TBC1D32: variants seen among roughly 807,000 people sequenced by gnomAD.
The protein encoded by TBC1D32 is TBC1 domain family member 32.
A neutral mutation model predicts 170.3 loss-of-function variants in TBC1D32; 151 were observed. That is an observed-to-expected ratio of 0.89 (90% CI 0.78 to 1.01). The LOEUF is 1.01. Among genes scored for constraint, TBC1D32 ranks in the 50% least tolerant of loss-of-function variants. The probability of loss-of-function intolerance (pLI) is 0.00; values close to 1 mark genes in which losing one functional copy is unlikely to be tolerated. For synonymous variants in TBC1D32, 498 were observed against 488.0 expected (o/e 1.02, Z -0.27); for missense variants, 1,464 against 1,457.1 (o/e 1.00, Z -0.08).
chr6:121,141,080 C>A (rs1782724790), intron 24 of TBC1D32, among the ~76,000 whole-genome samples: 1 of 152,062 alleles, frequency 6.6e-6, no homozygotes, highest in African/African-American at 2.4e-5. Context: ...CTACTTAAGG[C>A]AAACAGCATC....
intron 18 of TBC1D32, 91 bp downstream of exon 18, chr6:121,242,110 A>T: frequency 7.4e-7 from 1 of 1,354,744 alleles, no homozygotes; most frequent in Non-Finnish European, 1.0e-6. Flanking sequence ...AGGCTTAATA[A>T]CTTCTTCATA....
chr6:121,080,795 C>T lies in TBC1D32; in HGVS notation c.3750G>A (p.Arg1250=). ...TCTATGTGCTCTGCAGTCTAATGTT[C>T]CGCATGTCTCTCAGCAGCACTGTTC... ...NYRTVLLRDM[R]NIRLQST is the part of the protein sequence containing the mutation. The change falls in exon 32 of 32, where the codon CGG becomes CGA. Residue 1250 remains arginine, a synonymous_variant. Coordinates refer to ENST00000398212, the MANE Select transcript of TBC1D32 (RefSeq NM_152730.6). The T allele has an allele frequency of 6.2e-7, 1 of 1,613,432 alleles. No homozygotes were observed. Among genetic ancestry groups the T allele is most frequent in the Non-Finnish European group, 8.5e-7 (1 of 1,179,762 alleles).
intron 24 of TBC1D32, among the ~76,000 whole-genome samples, chr6:121,134,584 G>C (rs1781812937): frequency 6.6e-6 from 1 of 152,108 alleles, no homozygotes; most frequent in African/African-American, 2.4e-5. Flanking sequence ...GACTATTAGA[G>C]AGACAGCTTT....
intron 26 of TBC1D32, among the ~76,000 whole-genome samples, chr6:121,124,694 C>G (rs1171030363): frequency 6.6e-6 from 1 of 151,930 alleles, no homozygotes; most frequent in Non-Finnish European, 1.5e-5. Context: ...GTTATATATC[C>G]TATAAGCTTT....
At chr6:121,145,853 A>G (rs905345838) in intron 24 of TBC1D32, among the ~76,000 whole-genome samples, 3 of 152,186 alleles carry the variant, frequency 2.0e-5, no homozygotes, top group African/African-American at 7.2e-5. Flanking sequence ...AATAACAACC[A>G]GAAAAGGGTT....
At chr6:121,300,051 T>C (rs951263848) in intron 9 of TBC1D32, among the ~76,000 whole-genome samples, 26 of 152,204 alleles carry the variant, frequency 1.7e-4, no homozygotes, top group Admixed American at 1.6e-3. Context: ...TGTAAATGCA[T>C]AGCATTGTAC....
chr6:121,096,017 T>TC (rs1777362954), intron 30 of TBC1D32: 1 of 152,200 alleles, frequency 6.6e-6, no homozygotes, highest in South Asian at 2.1e-4. Context: ...CACCAGCTCC[T>TC]CTTTGTACCT....
At chr6:121,134,804 T>C (rs1781857887) in intron 24 of TBC1D32, among the ~76,000 whole-genome samples, 2 of 152,168 alleles carry the variant, frequency 1.3e-5, no homozygotes, top group African/African-American at 4.8e-5. Flanking sequence ...GAGAAGCCAA[T>C]AGGTATAGAT....
intron 22 of TBC1D32, among the ~76,000 whole-genome samples, chr6:121,191,608 TAG>T (rs1790047496): frequency 6.7e-6 from 1 of 148,756 alleles, no homozygotes; most frequent in Admixed American, 6.6e-5. Context: ...ATCTGTGTTT[TAG>T]AAAATGTTCT....
chr6:121,088,967 T>C (rs1413718863), intron 31 of TBC1D32, among the ~76,000 whole-genome samples: 1 of 152,194 alleles, frequency 6.6e-6, no homozygotes, highest in Non-Finnish European at 1.5e-5. Flanking sequence ...AACTCTATTA[T>C]AATTTTTCCC....
At chr6:121,152,614 C>T (rs759707205) in intron 24 of TBC1D32, among the ~76,000 whole-genome samples, 16 of 152,294 alleles carry the variant, frequency 1.1e-4, no homozygotes, top group Non-Finnish European at 1.9e-4. Flanking sequence ...TGGTTCCATT[C>T]TCCCCATCAC....
chr6:121,311,512 G>A (rs1049953194), intron 3 of TBC1D32, among the ~76,000 whole-genome samples: 11 of 152,150 alleles, frequency 7.2e-5, no homozygotes, highest in African/African-American at 2.2e-4. Context: ...GGCGGATCAC[G>A]AGGTCAAGAG....
At chr6:121,212,158 C>A (rs9375013) in intron 21 of TBC1D32, among the ~76,000 whole-genome samples, 100,101 of 151,900 alleles carry the variant, frequency 0.66, 38,124 homozygotes, top group Non-Finnish European at 0.85. Flanking sequence ...ATATGCCCCC[C>A]CAAGACTGAA....
chr6:121,086,864 T>C lies in TBC1D32; in HGVS notation c.3654+3989A>G, dbSNP rs533622626. Among the ~76,000 whole-genome samples, 7 of 152,322 alleles carry C rather than the reference T, an allele frequency of 4.6e-5. No individual in the cohort carries two copies. The East Asian group carries it at 1.3e-3, about 29-fold the overall frequency. On this transcript the variant is annotated intron_variant, in intron 31 of 31. Coordinates refer to ENST00000398212, the MANE Select transcript of TBC1D32 (RefSeq NM_152730.6). ...AACTGTCACTAAACCTGTTTGTGTG[T>C]GTGTATGCGCGCTACAGATGAGTTG...
chr6:121,168,264 T>C (rs1583045878), intron 22 of TBC1D32, among the ~76,000 whole-genome samples: 1 of 135,416 alleles, frequency 7.4e-6, no homozygotes, highest in South Asian at 2.5e-4. Context: ...CATGCACACG[T>C]ATGTTTATTG....
intron 12 of TBC1D32, among the ~76,000 whole-genome samples, chr6:121,290,916 C>A (rs1804740350): frequency 1.3e-5 from 2 of 152,062 alleles, no homozygotes. Context: ...AAACCAAACA[C>A]CACATGTTCT....
At chr6:121,323,331 C>T (rs1156524400) in intron 1 of TBC1D32, among the ~76,000 whole-genome samples, 1 of 152,020 alleles carries the variant, frequency 6.6e-6, no homozygotes, top group African/African-American at 2.4e-5. Flanking sequence ...ATTTTCTTCC[C>T]TCTCATATTC....
chr6:121,144,064 CT>C (rs1379344184), intron 24 of TBC1D32, among the ~76,000 whole-genome samples: 2 of 152,136 alleles, frequency 1.3e-5, no homozygotes, highest in Non-Finnish European at 2.9e-5. Context: ...CAGGATCACT[CT>C]TATTATGAGG....
chr6:121,151,084 A>C (rs148143927), intron 24 of TBC1D32, among the ~76,000 whole-genome samples: 1,885 of 151,942 alleles, frequency 0.012, 38 homozygotes, highest in African/African-American at 0.043. Context: ...TAGTTCTTTT[A>C]ATTGTGATAT....
Sources: allele counts gnomAD v4.1 joint callset (sites outside exome capture counted in the v4.1 genomes callset), GRCh38; gene constraint gnomAD v4.1.1; transcripts MANE v1.5; gene names NCBI Gene and HGNC (gene_info 2026-07-23, HGNC 2026-07-21).